Variants in MCC observed in about 807,000 individuals in gnomAD.
MCC encodes MCC regulator of Wnt signaling pathway.
In MCC, 90 loss-of-function variants were observed where a neutral mutation model predicts 116.2. The observed-to-expected ratio is 0.77, with a 90% CI of 0.65 to 0.92. The LOEUF (loss-of-function observed/expected upper bound fraction) is 0.92, where lower values mean the gene tolerates loss of function less well. Among genes scored for constraint, MCC ranks in the 40% least tolerant of loss-of-function variants. The probability of loss-of-function intolerance (pLI) is 0.00; values close to 1 mark genes in which losing one functional copy is unlikely to be tolerated. For missense variants in MCC, 1,516 were observed against 1,312.2 expected (o/e 1.16, Z -2.40); for synonymous variants, 578 against 510.5 (o/e 1.13, Z -1.78).
At chr5:113,443,598 T>G (rs1009819451) in intron 1 of MCC, among the ~76,000 whole-genome samples, 2 of 152,080 alleles carry the variant, frequency 1.3e-5, no homozygotes, top group African/African-American at 4.8e-5. Flanking sequence ...ATGCTTCCAG[T>G]TTTTGCCCAT....
chr5:113,251,282 C>A (rs747851407), intron 3 of MCC, among the ~76,000 whole-genome samples: 5 of 152,168 alleles, frequency 3.3e-5, no homozygotes, highest in African/African-American at 4.8e-5. Context: ...GCACTGTCTG[C>A]GTTTTTTTAA....
intron 6 of MCC, among the ~76,000 whole-genome samples, chr5:113,112,749 A>G (rs919688602): frequency 1.3e-5 from 2 of 152,168 alleles, no homozygotes; most frequent in South Asian, 4.1e-4. Flanking sequence ...CCAGAGACTT[A>G]CAGTGCTGGG....
chr5:113,064,103 T>G lies in MCC; in HGVS notation c.2094A>C (p.Thr698=). 6.2e-7 allele frequency: 1 copy of G among 1,614,184 alleles called. No individual in the cohort carries two copies. Among genetic ancestry groups the G allele is most frequent in the Non-Finnish European group, 8.5e-7 (1 of 1,180,014 alleles). ...MLKRAHDCRK[T]AENAAKALLM... ...GCAGGGCCTTGGCAGCGTTCTCAGC[T>G]GTCTTCCGGCAGTCATGAGCTCGCT... Residue 698 remains threonine, a synonymous_variant, in exon 14 of 19, where the codon ACA becomes ACC. Coordinates refer to ENST00000408903, the MANE Select transcript of MCC (RefSeq NM_001085377.2).
At chr5:113,450,579 G>A (rs1771363732) in intron 1 of MCC, among the ~76,000 whole-genome samples, 1 of 152,224 alleles carries the variant, frequency 6.6e-6, no homozygotes, top group Admixed American at 6.5e-5. Flanking sequence ...TTGAAGCTAT[G>A]TAACAGATGT....
intron 1 of MCC, among the ~76,000 whole-genome samples, chr5:113,415,145 C>CT (rs1770107296): frequency 6.6e-6 from 1 of 152,212 alleles, no homozygotes; most frequent in Admixed American, 6.5e-5. Context: ...TGCTGTTAGT[C>CT]TGATGGGCTT....
intron 16 of MCC, among the ~76,000 whole-genome samples, chr5:113,043,962 T>C (rs7732198): frequency 0.41 from 61,348 of 151,236 alleles, 12,880 homozygotes; most frequent in Non-Finnish European, 0.47. Flanking sequence ...GCAGGAACTA[T>C]CATTATCTCC....
intron 3 of MCC, chr5:113,294,760 G>A (rs1401563850): frequency 1.0e-6 from 1 of 991,784 alleles, no homozygotes; most frequent in Admixed American, 6.1e-5. Context: ...CCAGGATGGA[G>A]GGCACTTCCC....
At chr5:113,425,105 A>G (rs1389049575) in intron 1 of MCC, among the ~76,000 whole-genome samples, 1 of 152,168 alleles carries the variant, frequency 6.6e-6, no homozygotes. Flanking sequence ...AAGACATGAA[A>G]TATCAGAACA....
At chr5:113,471,319 G>A (rs1049280760) in intron 1 of MCC, among the ~76,000 whole-genome samples, 15 of 152,010 alleles carry the variant, frequency 9.9e-5, no homozygotes, top group Non-Finnish European at 1.5e-5. Flanking sequence ...TCTACCTTTG[G>A]TCTTTGATGA....
At chr5:113,190,654 G>A (rs910148708) in intron 3 of MCC, among the ~76,000 whole-genome samples, 1 of 152,170 alleles carries the variant, frequency 6.6e-6, no homozygotes, top group African/African-American at 2.4e-5. Flanking sequence ...GTGGGGTGAA[G>A]AGCAGGAGCT....
At chr5:113,452,844 G>A (rs768055553) in intron 1 of MCC, among the ~76,000 whole-genome samples, 85 of 152,164 alleles carry the variant, frequency 5.6e-4, no homozygotes, top group Non-Finnish European at 1.1e-3. Flanking sequence ...CTCAGGTGAT[G>A]TTGGCACCAC....
intron 7 of MCC, among the ~76,000 whole-genome samples, chr5:113,103,005 T>C (rs1475987467): frequency 6.6e-6 from 1 of 152,090 alleles, no homozygotes; most frequent in African/African-American, 2.4e-5. Context: ...TCCCAGCTAC[T>C]TGGGAGGCTG....
rs1471641463 is a variant in MCC at position 113,158,080 on chromosome 5, G to A, written c.628-6658C>T. 2.6e-5 allele frequency among the ~76,000 whole-genome samples: 4 copies of A among 152,164 alleles called. No individual in the cohort carries two copies. In the East Asian group the frequency reaches 7.7e-4, roughly 29 times the overall value. ...CAGGTCGGACAAAGCAGCCCAGCAC[G>A]CAAATGCATCAGCCTACTCAAAACA... is the stretch of plus-strand genomic sequence containing the variant. On this transcript the variant is annotated intron_variant, in intron 3 of 18. Coordinates refer to ENST00000408903, the MANE Select transcript of MCC (RefSeq NM_001085377.2).
At chr5:113,209,153 C>A (rs147262620) in intron 3 of MCC, among the ~76,000 whole-genome samples, 1 of 152,134 alleles carries the variant, frequency 6.6e-6, no homozygotes, top group African/African-American at 2.4e-5. Flanking sequence ...TGGGTTCTCC[C>A]GAGAGGCTCT....
chr5:113,185,234 G>C (rs78794065), intron 3 of MCC, among the ~76,000 whole-genome samples: 6,472 of 152,252 alleles, frequency 0.043, 208 homozygotes, highest in African/African-American at 0.083. Context: ...CAGAGGGGTT[G>C]AGAGGGTGAG....
chr5:113,094,422 C>A (rs920531783), intron 8 of MCC, among the ~76,000 whole-genome samples: 3 of 138,602 alleles, frequency 2.2e-5, no homozygotes, highest in Admixed American at 1.4e-4. Context: ...TGGCAATCTT[C>A]CTTTTTTTTT....
intron 3 of MCC, among the ~76,000 whole-genome samples, chr5:113,274,437 G>A (rs550969420): frequency 6.6e-6 from 1 of 152,356 alleles, no homozygotes; most frequent in East Asian, 1.9e-4. Flanking sequence ...TTGGCTCACT[G>A]CAACCACTGC....
At chr5:113,059,366 T>G (rs1753057147) in intron 14 of MCC, among the ~76,000 whole-genome samples, 1 of 152,174 alleles carries the variant, frequency 6.6e-6, no homozygotes, top group Non-Finnish European at 1.5e-5. Context: ...GGAATATGAT[T>G]ATGACAATGG....
chr5:113,155,106 AG>A (rs1760097891), intron 3 of MCC, among the ~76,000 whole-genome samples: 1 of 152,068 alleles, frequency 6.6e-6, no homozygotes. Flanking sequence ...CAACTTTTTT[AG>A]CTCCCAGTAT....
Sources: gnomAD v4.1 joint callset for allele counts (sites outside exome capture counted in the v4.1 genomes callset) on GRCh38, gnomAD v4.1.1 for gene constraint, MANE v1.5 for transcripts, NCBI Gene and HGNC (gene_info 2026-07-23, HGNC 2026-07-21) for gene names.